ADGRE1: variants seen among roughly 807,000 people sequenced by gnomAD.
The protein encoded by ADGRE1 is EGF-like module receptor 1.
Under a neutral mutation model 102.7 loss-of-function variants are expected in ADGRE1, and 82 were observed. The observed-to-expected ratio is 0.80, with a 90% CI of 0.67 to 0.96. ADGRE1 has a LOEUF of 0.96. ADGRE1 is among the 40% of genes least tolerant of loss of function. The pLI, the probability that ADGRE1 is intolerant of heterozygous loss-of-function variation, is 0.00. For missense variants in ADGRE1, 1,032 were observed against 1,085.3 expected, an observed-to-expected ratio of 0.95 and a Z score of 0.69; for synonymous variants, 398 against 399.6, an observed-to-expected ratio of 1.00 and a Z score of 0.05.
intron 9 of ADGRE1, 22 bp downstream of exon 9, chr19:6,906,543 T>C (rs769991335): frequency 6.2e-7 from 1 of 1,605,492 alleles, no homozygotes; most frequent in South Asian, 1.1e-5. Context: ...TTAAGGTTCC[T>C]AGTTTTTGAG....
chr19:6,894,492 G>T (rs993650626), intron 2 of ADGRE1, among the ~76,000 whole-genome samples: 1 of 152,166 alleles, frequency 6.6e-6, no homozygotes, highest in African/African-American at 2.4e-5. Flanking sequence ...GTGGAAGCTG[G>T]CCAGGCAAAG....
At chr19:6,923,281 C>T (rs1232967331) in intron 14 of ADGRE1, among the ~76,000 whole-genome samples, 1 of 152,156 alleles carries the variant, frequency 6.6e-6, no homozygotes, top group Non-Finnish European at 1.5e-5. Context: ...AACTTCTCTG[C>T]ACTGAGCCCA....
intron 20 of ADGRE1, among the ~76,000 whole-genome samples, chr19:6,938,104 A>AG (rs1975505006): frequency 6.6e-6 from 1 of 152,050 alleles, no homozygotes; most frequent in African/African-American, 2.4e-5. Flanking sequence ...TGGGAGGCTA[A>AG]GGTGGGCAGA....
intron 11 of ADGRE1, 67 bp from the exon 12 acceptor site, chr19:6,916,182 G>C: frequency 6.5e-7 from 1 of 1,544,520 alleles, no homozygotes; most frequent in Non-Finnish European, 8.7e-7. Flanking sequence ...CCTTTTTTTG[G>C]ACAGAAACCA....
chr19:6,924,610 ACT>A, intron 14 of ADGRE1, 66 bp from the exon 15 acceptor site: 1 of 1,469,088 alleles, frequency 6.8e-7, no homozygotes, highest in Admixed American at 1.8e-5. Context: ...GTTTTAGATA[ACT>A]CTTCTTCCCG....
At chr19:6,920,431 G>C (rs1194984235) in intron 13 of ADGRE1, among the ~76,000 whole-genome samples, 1 of 151,158 alleles carries the variant, frequency 6.6e-6, no homozygotes, top group Non-Finnish European at 1.5e-5. Flanking sequence ...ATGTTAGCCA[G>C]GATGGTCTTG....
At chr19:6,915,920 C>CAAAAAAAAAAAA (rs67370670) in intron 11 of ADGRE1, among the ~76,000 whole-genome samples, 1 of 59,172 alleles carries the variant, frequency 1.7e-5, no homozygotes, top group African/African-American at 8.0e-5. Flanking sequence ...GACTCCGTCT[C>CAAAAAAAAAAAA]AAAAAAAAAA....
intron 20 of ADGRE1, among the ~76,000 whole-genome samples, chr19:6,938,451 G>A (rs1599778557): frequency 7.7e-6 from 1 of 130,066 alleles, no homozygotes; most frequent in Non-Finnish European, 1.7e-5. Context: ...TTGAAATATT[G>A]GAATGAATAT....
chr19:6,928,042 C>T, intron 16 of ADGRE1, 103 bp from the exon 17 acceptor site: 2 of 1,397,412 alleles, frequency 1.4e-6, no homozygotes, highest in Admixed American at 2.2e-5. Context: ...ATCTGAGTCT[C>T]ACCTCCCAGT....
chr19:6,891,510 G>A lies in ADGRE1; in HGVS notation c.94+967G>A, dbSNP rs577232028. Among the ~76,000 whole-genome samples the A allele has an allele frequency of 7.3e-5, 11 of 151,126 alleles. No homozygotes were observed. In the East Asian group the frequency reaches 1.2e-3, roughly 16 times the overall value. On this transcript the variant is annotated intron_variant, in intron 2 of 20. Transcript: ENST00000312053. ...GCTCTGTTGCCCAGGCTGGAGTGCA[G>A]TGGTGCGATCTCGGTTCACTGCAAG...
At position 6,921,872 on chromosome 19, in the gene ADGRE1, G is replaced by A. The variant is rs754045630; in HGVS notation, c.1780G>A (p.Gly594Arg). Residue 594 changes from glycine to arginine, a missense_variant, in exon 14 of 21, where the codon GGG becomes AGG. By Grantham distance (125) the Gly-to-Arg change is moderately radical. Transcript: ENST00000312053. ...AAATCTTGCCGTTATCATGGCGTCT[G>A]GGGAGCTCACGGTCAGTACTGATGA... ...MANLAVIMAS[G>R]ELTMDFSLYI... 20 of 1,613,310 alleles carry A rather than the reference G, an allele frequency of 1.2e-5. No homozygotes were observed. Among genetic ancestry groups the A allele is most frequent in the African/African-American group, 9.4e-5 (7 of 74,844 alleles).
intron 12 of ADGRE1, among the ~76,000 whole-genome samples, chr19:6,916,954 G>A (rs1371514887): frequency 2.0e-5 from 3 of 151,880 alleles, no homozygotes; most frequent in Non-Finnish European, 4.4e-5. Context: ...TTACATATGT[G>A]GTTCATACTG....
intron 14 of ADGRE1, among the ~76,000 whole-genome samples, chr19:6,922,386 C>T (rs566795864): frequency 2.2e-4 from 34 of 151,854 alleles, no homozygotes; most frequent in South Asian, 4.2e-4. Context: ...GAGGCTGAGG[C>T]GGGCGGATCA....
chr19:6,902,072 C>T (rs1328882644), intron 6 of ADGRE1, 51 bp downstream of exon 6: 13 of 1,608,064 alleles, frequency 8.1e-6, no homozygotes, highest in Non-Finnish European at 1.0e-5. Flanking sequence ...TTTGAAAAGA[C>T]AGCAGTGAGG....
rs780057736 is a variant in ADGRE1, at chr19:6,928,118, G to A, written c.2223-27G>A. 3.0e-5 allele frequency: 48 copies of A among 1,608,212 alleles called. No individual in the cohort carries two copies. The Middle Eastern group carries it at 1.0e-3, about 33-fold the overall frequency. On this transcript the variant is annotated intron_variant, in intron 16 of 20. Coordinates refer to ENST00000312053, the MANE Select transcript of ADGRE1 (RefSeq NM_001974.5). ...GTAAGGTCAGGACTCTGAGACAAGC[G>A]CTGACTCCTCCTATTTCTCTCCACA... is the stretch of plus-strand genomic sequence containing the variant.
chr19:6,892,311 A>C (rs768290005), intron 2 of ADGRE1, among the ~76,000 whole-genome samples: 6 of 152,192 alleles, frequency 3.9e-5, no homozygotes, highest in Non-Finnish European at 7.3e-5. Context: ...CACAATCACG[A>C]TAATCCATTC....
intron 2 of ADGRE1, among the ~76,000 whole-genome samples, chr19:6,892,809 G>A (rs545050281): frequency 2.6e-5 from 4 of 152,344 alleles, no homozygotes; most frequent in African/African-American, 9.6e-5. Context: ...ACAATTTGCA[G>A]CAACATGGAT....
At chr19:6,891,204 C>G (rs1263298239) in intron 2 of ADGRE1, 3 of 152,318 alleles carry the variant, frequency 2.0e-5, no homozygotes, top group South Asian at 4.2e-4. Context: ...GATCCCCGCA[C>G]AAGCTCTCTT....
intron 9 of ADGRE1, 30 bp from the exon 10 acceptor site, chr19:6,908,659 A>G: frequency 7.5e-7 from 1 of 1,329,322 alleles, no homozygotes; most frequent in Non-Finnish European, 1.0e-6. Flanking sequence ...ATGCTCACAA[A>G]TGCTCTTTTT....
Sources: gnomAD v4.1 joint callset for allele counts (sites outside exome capture counted in the v4.1 genomes callset) on GRCh38, gnomAD v4.1.1 for gene constraint, MANE v1.5 for transcripts, NCBI Gene and HGNC (gene_info 2026-07-23, HGNC 2026-07-21) for gene names.